ADGRL2: variants seen among roughly 807,000 people sequenced by gnomAD.
ADGRL2 encodes the protein adhesion G protein-coupled receptor L2.
Under a neutral mutation model 157.4 loss-of-function variants are expected in ADGRL2, and 44 were observed. The observed-to-expected ratio is 0.28, with a 90% confidence interval of 0.22 to 0.36. The LOEUF is 0.36. ADGRL2 is among the 10% of genes least tolerant of loss of function. The pLI is 1.00. For synonymous variants in ADGRL2, 585 were observed against 624.7 expected (o/e 0.94, Z 0.95); for missense variants, 1,510 against 1,768.9 (o/e 0.85, Z 2.63).
chr1:81,502,813 G>T (rs2078883096), intron 2 of ADGRL2: 3 of 1,611,972 alleles, frequency 1.9e-6, no homozygotes, highest in Non-Finnish European at 2.5e-6. Context: ...ACCTGCTGCG[G>T]CTACTGCTGC....
intron 2 of ADGRL2, among the ~76,000 whole-genome samples, chr1:81,877,910 T>C (rs2093883641): frequency 6.6e-6 from 1 of 152,164 alleles, no homozygotes; most frequent in Non-Finnish European, 1.5e-5. Context: ...ACATAGCCAG[T>C]TAAATCTTAT....
At chr1:81,454,601 G>T (rs562505755) in intron 2 of ADGRL2, among the ~76,000 whole-genome samples, 2 of 152,130 alleles carry the variant, frequency 1.3e-5, no homozygotes, top group African/African-American at 4.8e-5. Flanking sequence ...CTACCTGAAG[G>T]TTTCCTCTTG....
At chr1:81,524,729 T>C (rs1352426117) in intron 2 of ADGRL2, among the ~76,000 whole-genome samples, 1 of 152,134 alleles carries the variant, frequency 6.6e-6, no homozygotes, top group Non-Finnish European at 1.5e-5. Flanking sequence ...GCTACATTTA[T>C]GTTTTTAAAA....
rs976567861 is a variant in ADGRL2, at chr1:81,992,201, A to C, written c.*1056A>C. 1 of 152,518 alleles carries C rather than the reference A, an allele frequency of 6.6e-6. No individual in the cohort carries two copies. Among genetic ancestry groups the C allele is most frequent in the African/African-American group, 2.4e-5 (1 of 41,456 alleles). 9.4% of individuals were successfully genotyped at this position (152,518 alleles called of 1,614,324 possible). The stretch of plus-strand genomic sequence containing the variant: ...AAAAGGTGCCTATTCTTTTTTAAAA[A>C]AATAAAATAAAACATAAATATTACT... On this transcript the variant is annotated 3_prime_UTR_variant, in exon 24 of 24. Coordinates refer to ENST00000686636, the MANE Select transcript of ADGRL2 (RefSeq NM_001366006.2).
intron 2 of ADGRL2, among the ~76,000 whole-genome samples, chr1:81,779,761 A>G (rs1266070876): frequency 6.6e-6 from 1 of 152,236 alleles, no homozygotes; most frequent in Non-Finnish European, 1.5e-5. Flanking sequence ...CTCTAAGAGC[A>G]TATGGTTGCT....
rs577131515 is a variant in ADGRL2, at chr1:81,561,609, C to T, written c.-247-19267C>T. On this transcript the variant is annotated intron_variant, in intron 2 of 24. Transcript: ENST00000370721. ...CAGAATACTTGAGATTACAGGCACCCGCCATCATGCCCGGCTAATTTTTGT... is the reference window on the plus strand; with the variant it reads ...CAGAATACTTGAGATTACAGGCACCTGCCATCATGCCCGGCTAATTTTTGT... Among the ~76,000 whole-genome samples, 4 of 151,750 alleles carry T rather than the reference C, an allele frequency of 2.6e-5. No homozygotes were observed. The South Asian group carries it at 6.2e-4, about 24-fold the overall frequency.
intron 2 of ADGRL2, among the ~76,000 whole-genome samples, chr1:81,763,927 A>T (rs890868913): frequency 3.3e-5 from 5 of 151,926 alleles, no homozygotes; most frequent in African/African-American, 1.2e-4. Flanking sequence ...GATCGCTTGA[A>T]CCCAGGAGGC....
chr1:81,513,922 C>A (rs1034882512), intron 2 of ADGRL2: 2 of 152,212 alleles, frequency 1.3e-5, no homozygotes, highest in African/African-American at 4.8e-5. Context: ...TTTATCCCCC[C>A]TTCCTGTCAT....
rs1442811921 is a variant in ADGRL2 at position 81,505,106 on chromosome 1, GC to G, written c.-248+60018del. On this transcript the variant is annotated intron_variant, in intron 2 of 24. Transcript: ENST00000370721. Reference sequence around the variant, plus strand: ...TGTAGGAGAGGAAAGGGAATCAAAAGCTTGAGCACAAACAGATACCTCAGCC... The same window carrying G: ...TGTAGGAGAGGAAAGGGAATCAAAAGTTGAGCACAAACAGATACCTCAGCC... 3 of 428,674 alleles carry G rather than the reference GC, an allele frequency of 7.0e-6. No individual in the cohort carries two copies. In the East Asian group the frequency reaches 1.2e-4, roughly 18 times the overall value. 26.6% of individuals were successfully genotyped at this position (428,674 alleles called of 1,614,324 possible). A position where few individuals can be genotyped will look rare whatever the true frequency, so the allele number is the denominator to read the frequency against.
At chr1:81,706,230 T>TA (rs113037063) in intron 1 of ADGRL2, among the ~76,000 whole-genome samples, 57,735 of 151,456 alleles carry the variant, frequency 0.38, 11,255 homozygotes, top group African/African-American at 0.45. Context: ...AACAAAAAAA[T>TA]AAAAAAATTT....
intron 2 of ADGRL2, among the ~76,000 whole-genome samples, chr1:81,460,513 C>T (rs997812045): frequency 1.8e-4 from 28 of 152,222 alleles, no homozygotes; most frequent in African/African-American, 6.5e-4. Context: ...ATCCCTAAAA[C>T]CTGTCTTTGA....
intron 9 of ADGRL2, among the ~76,000 whole-genome samples, chr1:81,952,481 C>T (rs1652152346): frequency 6.6e-6 from 1 of 152,086 alleles, no homozygotes; most frequent in Non-Finnish European, 1.5e-5. Context: ...TATGCTAATA[C>T]ATGGAACTCT....
intron 3 of ADGRL2, among the ~76,000 whole-genome samples, chr1:81,648,449 G>C (rs1366296203): frequency 6.6e-6 from 1 of 152,206 alleles, no homozygotes; most frequent in Non-Finnish European, 1.5e-5. Context: ...GCATTGACAT[G>C]TTGGAGCCTA....
intron 2 of ADGRL2, among the ~76,000 whole-genome samples, chr1:81,514,429 A>G (rs916089767): frequency 2.6e-5 from 4 of 152,172 alleles, no homozygotes; most frequent in Non-Finnish European, 4.4e-5. Flanking sequence ...TGTGCCTTGC[A>G]GTGCTGAACT....
intron 2 of ADGRL2, among the ~76,000 whole-genome samples, chr1:81,768,352 T>C (rs1366882822): frequency 6.6e-6 from 1 of 152,206 alleles, no homozygotes; most frequent in Non-Finnish European, 1.5e-5. Flanking sequence ...GCCAGAGTTT[T>C]TATAAATTTG....
chr1:81,503,245 AC>A, intron 2 of ADGRL2: 2 of 1,614,190 alleles, frequency 1.2e-6, no homozygotes, highest in Non-Finnish European at 1.7e-6. Flanking sequence ...ACTGAACCTG[AC>A]CACGAGTAGC....
At chr1:81,984,023 G>A (rs948910791) in intron 19 of ADGRL2, among the ~76,000 whole-genome samples, 1 of 151,876 alleles carries the variant, frequency 6.6e-6, no homozygotes, top group Non-Finnish European at 1.5e-5. Context: ...CTAATTAGAG[G>A]CAAATGTATC....
chr1:81,804,120 A>G (rs1289525826), intron 1 of ADGRL2, among the ~76,000 whole-genome samples: 2 of 152,198 alleles, frequency 1.3e-5, no homozygotes, highest in African/African-American at 4.8e-5. Context: ...TGACCTAACT[A>G]AGGGTACTTT....
intron 2 of ADGRL2, among the ~76,000 whole-genome samples, chr1:81,851,734 TTGTG>T (rs5775643): frequency 3.3e-4 from 48 of 146,396 alleles, no homozygotes; most frequent in East Asian, 3.1e-3. Context: ...CCACTTAAAT[TTGTG>T]TGTGTGTGTG....
Sources: allele counts gnomAD v4.1 joint callset (sites outside exome capture counted in the v4.1 genomes callset), GRCh38; gene constraint gnomAD v4.1.1; transcripts MANE v1.5; gene names NCBI Gene and HGNC (gene_info 2026-07-23, HGNC 2026-07-21).